ZNF10: variants seen among roughly 807,000 people sequenced by gnomAD.
ZNF10 encodes zinc finger protein 10 (KOX 1).
Under a neutral mutation model 12.2 loss-of-function variants are expected in ZNF10, and 8 were observed. The ratio of observed to expected loss-of-function variants is 0.66; its 90% confidence interval spans 0.39 to 1.18. The LOEUF is 1.18. Among genes scored for constraint, ZNF10 ranks in the 50% most tolerant of loss-of-function variants. The pLI is 0.01. For synonymous variants in ZNF10, 229 were observed against 228.2 expected, an observed-to-expected ratio of 1.00 and a Z score of -0.03; for missense variants, 603 against 678.9, an observed-to-expected ratio of 0.89 and a Z score of 1.24.
intron 1 of ZNF10, chr12:133,143,938 TAGCTGG>T (rs1332516957): frequency 1.3e-5 from 2 of 152,348 alleles, no homozygotes; most frequent in African/African-American, 4.8e-5. Flanking sequence ...CCCTGCTTCC[TAGCTGG>T]CTTTCAGCTG....
chr12:133,156,828 C>T lies in ZNF10; in HGVS notation c.1582C>T (p.Gln528Ter), dbSNP rs756320009. Residue 528 changes from glutamine to a stop codon, truncating the protein, a stop_gained, in exon 5 of 5, where the codon CAG becomes TAG. Transcript: ENST00000248211. LOFTEE classifies it low-confidence loss of function (END_TRUNC). ...KCNQCGIIFS[Q>*]NSPFIVHQIA... is the part of the protein sequence containing the mutation. Reference sequence around the variant, plus strand: ...TAATCAATGTGGCATTATCTTCAGCCAGAACTCTCCATTTATAGTTCATCA... The same window carrying T: ...TAATCAATGTGGCATTATCTTCAGCTAGAACTCTCCATTTATAGTTCATCA... 1.3e-6 allele frequency: 2 copies of T among 1,540,132 alleles called. No individual in the cohort carries two copies. Among genetic ancestry groups the T allele is most frequent in the East Asian group, 2.3e-5 (1 of 44,402 alleles).
chr12:133,137,402 G>A (rs183211580), intron 1 of ZNF10, among the ~76,000 whole-genome samples: 3 of 152,310 alleles, frequency 2.0e-5, no homozygotes, highest in Non-Finnish European at 4.4e-5. Context: ...CTCTGGCCCT[G>A]TTTCTTTTTG....
intron 1 of ZNF10, among the ~76,000 whole-genome samples, chr12:133,138,587 C>G (rs1019539657): frequency 5.3e-5 from 8 of 152,110 alleles, no homozygotes; most frequent in Non-Finnish European, 8.8e-5. Flanking sequence ...CACATATGTC[C>G]TAATCCTTCC....
intron 1 of ZNF10, among the ~76,000 whole-genome samples, chr12:133,138,098 G>A (rs906805194): frequency 1.3e-5 from 2 of 151,918 alleles, no homozygotes; most frequent in Non-Finnish European, 2.9e-5. Context: ...AGAATCTCTT[G>A]GTATGGGACC....
chr12:133,139,574 A>C (rs760398730), intron 1 of ZNF10, among the ~76,000 whole-genome samples: 6 of 152,196 alleles, frequency 3.9e-5, no homozygotes, highest in Non-Finnish European at 8.8e-5. Flanking sequence ...ATGTTGCTGC[A>C]AACACTCATT....
chr12:133,155,673 C>G lies in ZNF10; in HGVS notation c.427C>G (p.Pro143Ala). The G allele has an allele frequency of 6.2e-7, 1 of 1,613,134 alleles. No homozygotes were observed. The highest frequency in any genetic ancestry group is 8.5e-7 in the Non-Finnish European group (1 of 1,179,770). The change falls in exon 5 of 5, where the codon CCA becomes GCA. Residue 143 changes from proline (P) to alanine (A), a missense_variant. Coordinates refer to ENST00000248211, the MANE Select transcript of ZNF10 (RefSeq NM_015394.5). ...CCAGTTAGACAAGTATCAGGAAAAC[C>G]CAGAGAGACATTTGAGGCAAGTGGC... ...RDQLDKYQEN[P>A]ERHLRQVAFT... is the part of the protein sequence containing the mutation.
At chr12:133,155,425 A>G (rs1956033009) in intron 4 of ZNF10, 78 bp from the exon 5 acceptor site, 2 of 1,426,728 alleles carry the variant, frequency 1.4e-6, no homozygotes, top group Non-Finnish European at 1.9e-6. Context: ...CATCTTGCAT[A>G]CTTTGTCTCC....
intron 2 of ZNF10, among the ~76,000 whole-genome samples, chr12:133,149,477 C>A (rs1164175651): frequency 6.7e-6 from 1 of 149,186 alleles, no homozygotes; most frequent in Non-Finnish European, 1.5e-5. Flanking sequence ...CTCACCTTAG[C>A]CTCCCGAGTA....
At position 133,150,863 on chromosome 12, in the gene ZNF10, A is replaced by G. The variant is rs73162492; in HGVS notation, c.34-165A>G. ...TAGGTACCTAATAGCCATTCCTTTTAAGACTTGACTAGAATAAATACTACT... is the reference window on the plus strand; with the variant it reads ...TAGGTACCTAATAGCCATTCCTTTTGAGACTTGACTAGAATAAATACTACT... On this transcript the variant is annotated intron_variant, in intron 2 of 4. Coordinates refer to ENST00000248211, the MANE Select transcript of ZNF10 (RefSeq NM_015394.5). 1,525 of 693,902 alleles carry G rather than the reference A, an allele frequency of 2.2e-3. 13 individuals are homozygous for G. The African/African-American group carries it at 0.022, about 10-fold the overall frequency. The allele number at this position is 693,902 out of a possible 1,614,324, so 43.0% of individuals were successfully genotyped here. A position where few individuals can be genotyped will look rare whatever the true frequency, so the allele number is the denominator to read the frequency against.
intron 1 of ZNF10, chr12:133,139,242 G>C (rs1235721094): frequency 6.6e-6 from 1 of 152,178 alleles, no homozygotes; most frequent in Non-Finnish European, 1.5e-5. Context: ...ACTTCCTGGA[G>C]AAATTAGGTA....
chr12:133,132,357 C>T (rs1419240189), intron 1 of ZNF10, among the ~76,000 whole-genome samples: 1 of 150,194 alleles, frequency 6.7e-6, no homozygotes, highest in Non-Finnish European at 1.5e-5. Context: ...GCAACCTCTG[C>T]CTCCTGGGTT....
intron 1 of ZNF10, 134 bp from the exon 2 acceptor site, chr12:133,144,300 T>C: frequency 2.1e-6 from 1 of 487,212 alleles, no homozygotes; most frequent in Non-Finnish European, 3.6e-6. Flanking sequence ...GATTTGCTTA[T>C]AGAATATCTC....
At chr12:133,143,889 T>C (rs1199169958) in intron 1 of ZNF10, 1 of 152,274 alleles carries the variant, frequency 6.6e-6, no homozygotes, top group Non-Finnish European at 1.5e-5. Flanking sequence ...CTCACTCTTC[T>C]TGGCAGAATT....
At chr12:133,143,585 A>C (rs1018856351) in intron 1 of ZNF10, 6 of 152,170 alleles carry the variant, frequency 3.9e-5, no homozygotes, top group African/African-American at 1.4e-4. Flanking sequence ...GGATCTACAC[A>C]AACGAGTAAA....
chr12:133,156,142 GAA>G lies in ZNF10; in HGVS notation c.898_899del (p.Lys300ValfsTer18). 1 of 1,613,534 alleles carries G rather than the reference GAA, an allele frequency of 6.2e-7. No individual in the cohort carries two copies. Among genetic ancestry groups the G allele is most frequent in the Non-Finnish European group, 8.5e-7 (1 of 1,180,034 alleles). ...AAACCCTATGAGTGTAAAGAATGTG[GAA>G]AGTCTTTCAGCCGGAGTTCTCACCT... On this transcript the variant is annotated frameshift_variant, in exon 5 of 5. Transcript: ENST00000248211. LOFTEE classifies it low-confidence loss of function (END_TRUNC).
intron 1 of ZNF10, among the ~76,000 whole-genome samples, chr12:133,138,646 AT>A (rs989061343): frequency 2.1e-4 from 32 of 152,192 alleles, no homozygotes; most frequent in Admixed American, 3.3e-4. Context: ...GGATGTGCAA[AT>A]GTGTGAAAAC....
chr12:133,146,018 C>T (rs1955974293), intron 2 of ZNF10, among the ~76,000 whole-genome samples: 1 of 152,148 alleles, frequency 6.6e-6, no homozygotes, highest in African/African-American at 2.4e-5. Context: ...GGCCAGAAAT[C>T]AGATAGCCAC....
intron 4 of ZNF10, among the ~76,000 whole-genome samples, chr12:133,153,273 T>C (rs1238025874): frequency 3.9e-5 from 6 of 152,158 alleles, no homozygotes; most frequent in Non-Finnish European, 8.8e-5. Flanking sequence ...TCAAAAAATA[T>C]AATGAATGAT....
chr12:133,140,900 C>T (rs1185030585), intron 1 of ZNF10, among the ~76,000 whole-genome samples: 2 of 151,998 alleles, frequency 1.3e-5, no homozygotes, highest in Non-Finnish European at 2.9e-5. Context: ...TTCTGGAGAT[C>T]TGCAAAGGTT....
Sources: gnomAD v4.1 joint callset for allele counts (sites outside exome capture counted in the v4.1 genomes callset) on GRCh38, gnomAD v4.1.1 for gene constraint, MANE v1.5 for transcripts, NCBI Gene and HGNC (gene_info 2026-07-23, HGNC 2026-07-21) for gene names.